The following ANK1 variants were observed in gnomAD, a reference collection of about 807,000 sequenced individuals.
ANK1 encodes ankyrin-1.
A neutral mutation model predicts 210.4 loss-of-function variants in ANK1; 51 were observed. The ratio of observed to expected loss-of-function variants is 0.24; its 90% CI spans 0.19 to 0.31. The LOEUF is 0.31. Ranked by LOEUF, ANK1 falls within the 10% of genes least tolerant of loss-of-function variation. The probability of loss-of-function intolerance (pLI) is 1.00; values close to 1 mark genes in which losing one functional copy is unlikely to be tolerated. For synonymous variants in ANK1, 967 were observed against 1,025.9 expected (o/e 0.94, Z 1.10); for missense variants, 2,051 against 2,504.4 (o/e 0.82, Z 3.86).
At chr8:41,877,040 T>A (rs1816734889) in intron 1 of ANK1, among the ~76,000 whole-genome samples, 1 of 152,178 alleles carries the variant, frequency 6.6e-6, no homozygotes, top group Admixed American at 6.5e-5. Context: ...ACATCTGTAA[T>A]CCCAGTGCTT....
intron 1 of ANK1, among the ~76,000 whole-genome samples, chr8:41,786,809 C>T (rs1178485269): frequency 3.9e-5 from 6 of 152,186 alleles, no homozygotes; most frequent in Non-Finnish European, 7.3e-5. Context: ...TCCCGATTTG[C>T]CAGTTCATCC....
intron 1 of ANK1, among the ~76,000 whole-genome samples, chr8:41,863,728 C>T (rs1229665746): frequency 6.6e-6 from 1 of 152,124 alleles, no homozygotes; most frequent in Non-Finnish European, 1.5e-5. Flanking sequence ...AAACTGAGGC[C>T]GAGAAAGCTG....
intron 1 of ANK1, among the ~76,000 whole-genome samples, chr8:41,760,274 T>A (rs1456705894): frequency 1.3e-5 from 2 of 152,230 alleles, no homozygotes; most frequent in African/African-American, 4.8e-5. Flanking sequence ...TGGGAGGTAC[T>A]TGAATCATGG....
At chr8:41,703,452 T>TATATATATA (rs57245303) in intron 20 of ANK1, among the ~76,000 whole-genome samples, 24 of 28,754 alleles carry the variant, frequency 8.3e-4, no homozygotes, top group South Asian at 1.8e-3. Context: ...ATATATATAT[T>TATATATATA]TTTTTTTTTT....
rs1824024010 is a variant in ANK1 at position 41,704,526 on chromosome 8, T to A, written c.2098-54A>T. 8 of 1,479,730 alleles carry A rather than the reference T, an allele frequency of 5.4e-6. No homozygotes were observed. Among genetic ancestry groups the A allele is most frequent in the Non-Finnish European group, 5.7e-6 (6 of 1,058,014 alleles). The allele number at this position is 1,479,730 out of a possible 1,614,324, so 91.7% of individuals were successfully genotyped here. A position where few individuals can be genotyped will look rare whatever the true frequency, so the allele number is the denominator to read the frequency against. On this transcript the variant is annotated intron_variant, in intron 18 of 42. Transcript: ENST00000289734. The surrounding 1 kb of genome is among the most constrained non-coding windows in gnomAD (Gnocchi z 4.1). ...GAGCTGTCCTGAGCTGGGCATCACA[T>A]GAAATCCTTCCCAAAGCAGCTGATT...
chr8:41,687,586 G>A (rs139948844), intron 35 of ANK1, among the ~76,000 whole-genome samples: 37 of 152,280 alleles, frequency 2.4e-4, no homozygotes, highest in African/African-American at 7.2e-4. Context: ...TTGGGGAGAC[G>A]GATTTGAGGT....
intron 1 of ANK1, among the ~76,000 whole-genome samples, chr8:41,760,073 C>A (rs1419095337): frequency 1.3e-5 from 2 of 152,230 alleles, no homozygotes; most frequent in Non-Finnish European, 2.9e-5. Context: ...CTACGTCACC[C>A]ACCCCATGCA....
At chr8:41,834,960 G>T (rs1807361966) in intron 1 of ANK1, among the ~76,000 whole-genome samples, 1 of 152,232 alleles carries the variant, frequency 6.6e-6, no homozygotes, top group Non-Finnish European at 1.5e-5. Flanking sequence ...AGCTGGAGGG[G>T]CAGGGTCCTG....
intron 2 of ANK1, among the ~76,000 whole-genome samples, chr8:41,748,978 T>C (rs995374229): frequency 2.6e-5 from 4 of 150,980 alleles, no homozygotes; most frequent in Non-Finnish European, 5.9e-5. Flanking sequence ...GAGCTTGCAG[T>C]GAACAGAGAT....
At position 41,705,170 on chromosome 8, in the gene ANK1, G is replaced by A. The variant is rs189990200; in HGVS notation, c.2098-698C>T. On this transcript the variant is annotated intron_variant, in intron 18 of 42. Coordinates refer to ENST00000289734, the MANE Select transcript of ANK1 (RefSeq NM_000037.4). ...GTAATGCCTTCCTGAATTTTGGGCC[G>A]ACAGGCCAAGGCCCTCTGAGCTCCT... Among the ~76,000 whole-genome samples, 594 of 152,308 alleles carry A rather than the reference G, an allele frequency of 3.9e-3. 8 individuals carry two copies. The highest frequency in any genetic ancestry group is 0.034 in the Admixed American group (522 of 15,296).
intron 1 of ANK1, among the ~76,000 whole-genome samples, chr8:41,852,448 G>A (rs138379948): frequency 4.9e-4 from 74 of 152,262 alleles, no homozygotes; most frequent in African/African-American, 1.7e-3. Context: ...CACCTCCTAC[G>A]CTGCTCACTG....
chr8:41,702,435 G>A (rs1285826096), intron 20 of ANK1, among the ~76,000 whole-genome samples: 2 of 152,180 alleles, frequency 1.3e-5, no homozygotes, highest in Non-Finnish European at 2.9e-5. Flanking sequence ...CCAAGGAGAA[G>A]TCAGGCTCTG....
At chr8:41,884,499 G>A (rs922153570) in intron 1 of ANK1, among the ~76,000 whole-genome samples, 3 of 152,128 alleles carry the variant, frequency 2.0e-5, no homozygotes, top group Non-Finnish European at 2.9e-5. Context: ...TAGTATCTCA[G>A]ACCCAGACTC....
chr8:41,728,038 GTTT>G, intron 3 of ANK1, 32 bp from the exon 4 acceptor site: 1 of 1,607,500 alleles, frequency 6.2e-7, no homozygotes, highest in South Asian at 1.1e-5. Context: ...AACAGAGGCG[GTTT>G]CCCACTGGGC....
intron 1 of ANK1, among the ~76,000 whole-genome samples, chr8:41,787,394 T>G (rs552095103): frequency 6.6e-6 from 1 of 152,206 alleles, no homozygotes; most frequent in South Asian, 2.1e-4. Flanking sequence ...CAGTCCTAGG[T>G]CAGACCCTGC....
At chr8:41,838,288 G>A (rs150008907) in intron 1 of ANK1, among the ~76,000 whole-genome samples, 14 of 152,302 alleles carry the variant, frequency 9.2e-5, no homozygotes, top group African/African-American at 2.9e-4. Flanking sequence ...AGGATTTGAA[G>A]GCTAGTCCAT....
At chr8:41,659,271 A>G (rs492083) in intron 42 of ANK1, among the ~76,000 whole-genome samples, 29,920 of 152,128 alleles carry the variant, frequency 0.2, 3,456 homozygotes, top group East Asian at 0.48. Flanking sequence ...GAAACCAAAA[A>G]TGTGAAAAAT....
intron 24 of ANK1, among the ~76,000 whole-genome samples, chr8:41,697,240 A>G (rs1431012209): frequency 3.3e-5 from 5 of 152,192 alleles, no homozygotes; most frequent in Non-Finnish European, 7.4e-5. Flanking sequence ...TGAGGTGAAC[A>G]CAACAGACTC....
At chr8:41,870,011 C>T (rs900210741) in intron 1 of ANK1, among the ~76,000 whole-genome samples, 2 of 152,106 alleles carry the variant, frequency 1.3e-5, no homozygotes, top group African/African-American at 4.8e-5. Context: ...TCCAATTCAG[C>T]AGGCTGAGAG....
Sources: gnomAD v4.1 joint callset for allele counts (sites outside exome capture counted in the v4.1 genomes callset) on GRCh38, gnomAD v4.1.1 for gene constraint, Gnocchi (gnomAD v3.1) non-coding constraint, MANE v1.5 for transcripts, NCBI Gene and HGNC (gene_info 2026-07-23, HGNC 2026-07-21) for gene names.